Variants in TRAPPC6A observed in about 807,000 individuals in gnomAD.
The protein encoded by TRAPPC6A is TRAPP complex subunit 6A.
TRAPPC6A carries 25 observed loss-of-function variants against 20.8 expected under a neutral mutation model. The ratio of observed to expected loss-of-function variants is 1.20; its 90% CI spans 0.88 to 1.68. TRAPPC6A has a LOEUF of 1.68. Ranked by LOEUF, TRAPPC6A falls within the 40% of genes most tolerant of loss-of-function variation. TRAPPC6A has a pLI of 0.00. For missense variants in TRAPPC6A, 215 were observed against 211.6 expected (o/e 1.02, Z -0.10); for synonymous variants, 96 against 93.3 (o/e 1.03, Z -0.16).
intron 1 of TRAPPC6A, among the ~76,000 whole-genome samples, chr19:45,166,855 G>A (rs1312079491): frequency 1.3e-5 from 2 of 152,132 alleles, no homozygotes; most frequent in Admixed American, 6.5e-5. Flanking sequence ...CCATCCGAAT[G>A]GGGATGCGAA....
Position 45,163,312 on chromosome 19 carries a change from G to A in TRAPPC6A, c.449-89C>T, listed in dbSNP as rs1969052614. ...GCTCTTAGGCGCTCACCCCCGTCCT[G>A]CACTGACACCCCAGTGGCTAGGTTG... On this transcript the variant is annotated intron_variant, in intron 5 of 5. Coordinates refer to ENST00000585934, the MANE Select transcript of TRAPPC6A (RefSeq NM_001270891.2). This position sits in a 1 kb window ranked among gnomAD's most constrained non-coding sequence, Gnocchi z 5.3. 1 of 1,418,866 alleles carries A rather than the reference G, an allele frequency of 7.0e-7. No individual in the cohort carries two copies. The highest frequency in any genetic ancestry group is 9.8e-7 in the Non-Finnish European group (1 of 1,015,312). The allele number at this position is 1,418,866 out of a possible 1,614,324, so 87.9% of individuals were successfully genotyped here. A position where few individuals can be genotyped will look rare whatever the true frequency, so the allele number is the denominator to read the frequency against.
chr19:45,176,033 C>T (rs537604752), intron 1 of TRAPPC6A, among the ~76,000 whole-genome samples: 36 of 152,236 alleles, frequency 2.4e-4, no homozygotes, highest in African/African-American at 8.4e-4. Context: ...CACTCTATCA[C>T]CCAGGCTGGA....
intron 1 of TRAPPC6A, among the ~76,000 whole-genome samples, chr19:45,171,446 C>T (rs1322651704): frequency 6.6e-6 from 1 of 152,170 alleles, no homozygotes; most frequent in Non-Finnish European, 1.5e-5. Context: ...TGAGTTTACA[C>T]ACAGACCGGA....
rs555345777 is a variant in TRAPPC6A, at chr19:45,172,015, C to T, written c.84+6120G>A. Among the ~76,000 whole-genome samples the T allele has an allele frequency of 2.1e-4, 32 of 152,110 alleles. No homozygotes were observed. The highest frequency in any genetic ancestry group is 1.4e-4 in the African/African-American group (6 of 41,474). ...CAAAGCCTCTGAGGTAGAAAAGCCA[C>T]GGCTGCTTCCTCCAAGGGCTTCTCC... On this transcript the variant is annotated intron_variant, in intron 1 of 5. Transcript: ENST00000585934. The surrounding 1 kb of genome is among the most constrained non-coding windows in gnomAD (Gnocchi z 4.2).
rs577379866 is a variant in TRAPPC6A, at chr19:45,172,719, C to T, written c.84+5416G>A. On this transcript the variant is annotated intron_variant, in intron 1 of 5. Coordinates refer to ENST00000585934, the MANE Select transcript of TRAPPC6A (RefSeq NM_001270891.2). The surrounding 1 kb of genome is among the most constrained non-coding windows in gnomAD (Gnocchi z 4.2). ...CTCCCCATCCTGTCCCCTGGCCCAGCCCGGAAGGTTGAGCCCACCACAGCC... is the reference window on the plus strand; with the variant it reads ...CTCCCCATCCTGTCCCCTGGCCCAGTCCGGAAGGTTGAGCCCACCACAGCC... Among the ~76,000 whole-genome samples, 1 of 151,888 alleles carries T rather than the reference C, an allele frequency of 6.6e-6. No individual in the cohort carries two copies. The highest frequency in any genetic ancestry group is 1.9e-4 in the East Asian group (1 of 5,186).
At chr19:45,170,392 C>G (rs966948106) in intron 1 of TRAPPC6A, among the ~76,000 whole-genome samples, 4 of 152,160 alleles carry the variant, frequency 2.6e-5, no homozygotes, top group Admixed American at 6.5e-5. Context: ...CTAGGAAGCA[C>G]CCCGACTGTG....
Position 45,163,127 on chromosome 19 carries a change from C to T in TRAPPC6A, c.*65G>A, listed in dbSNP as rs115085749. 1.5e-3 allele frequency: 2,454 copies of T among 1,598,454 alleles called. 25 individuals are homozygous for T. In the African/African-American group the frequency reaches 0.029, roughly 19 times the overall value. ...CAAGACCACCCCGAAATGCAGCGGCCCCACCGTCTCCTGAGGCCGGTGAGG... is the reference window on the plus strand; with the variant it reads ...CAAGACCACCCCGAAATGCAGCGGCTCCACCGTCTCCTGAGGCCGGTGAGG... On this transcript the variant is annotated 3_prime_UTR_variant, in exon 6 of 6. Transcript: ENST00000585934. The surrounding 1 kb of genome is among the most constrained non-coding windows in gnomAD (Gnocchi z 5.3).
At chr19:45,164,137 T>G in intron 4 of TRAPPC6A, 27 bp downstream of exon 4, 1 of 1,578,866 alleles carries the variant, frequency 6.3e-7, no homozygotes, top group Non-Finnish European at 8.6e-7. Flanking sequence ...AAGGGAGGTG[T>G]GGACAAGGCC....
chr19:45,164,204 G>T lies in TRAPPC6A; in HGVS notation c.314C>A (p.Pro105Gln). 6.2e-7 allele frequency: 1 copy of T among 1,610,138 alleles called. No individual in the cohort carries two copies. The change falls in exon 4 of 6, where the codon CCG becomes CAG. Residue 105 changes from proline (P) to glutamine (Q), a missense_variant. By Grantham distance (76) the Pro-to-Gln change is moderately conservative. Transcript: ENST00000585934. ...LQDNSFPLLL[P>Q]MASGLQYLEE... Reference sequence around the variant, plus strand: ...CAGATACTGCAGGCCAGAGGCCATCGGGAGGAGGAGGGGGAAGCTGTTGTC... The same window carrying T: ...CAGATACTGCAGGCCAGAGGCCATCTGGAGGAGGAGGGGGAAGCTGTTGTC...
In TRAPPC6A at chr19:45,163,070, G is replaced by A; in HGVS notation, c.*122C>T. 1 of 1,181,798 alleles carries A rather than the reference G, an allele frequency of 8.5e-7. No homozygotes were observed. The highest frequency in any genetic ancestry group is 1.2e-6 in the Non-Finnish European group (1 of 828,320). The allele number at this position is 1,181,798 out of a possible 1,614,324, so 73.2% of individuals were successfully genotyped here. A position where few individuals can be genotyped will look rare whatever the true frequency, so the allele number is the denominator to read the frequency against. The stretch of plus-strand genomic sequence containing the variant: ...CACCTCAATTTGATACCCACTTCCT[G>A]AGCAAATGTGACCCCTAGGGCCTGG... On this transcript the variant is annotated 3_prime_UTR_variant, in exon 6 of 6. Transcript: ENST00000585934. This position sits in a 1 kb window ranked among gnomAD's most constrained non-coding sequence, Gnocchi z 5.3.
At chr19:45,177,364 C>T (rs997709121) in intron 1 of TRAPPC6A, among the ~76,000 whole-genome samples, 2 of 151,606 alleles carry the variant, frequency 1.3e-5, no homozygotes, top group Non-Finnish European at 2.9e-5. Flanking sequence ...TTTCCTGAGA[C>T]AAGTCTCGCT....
intron 1 of TRAPPC6A, among the ~76,000 whole-genome samples, chr19:45,168,892 CG>C (rs1004566722): frequency 1.6e-4 from 25 of 152,158 alleles, no homozygotes; most frequent in Middle Eastern, 3.4e-3. Context: ...CTGGGAATGG[CG>C]GGGGGGCCTG....
Position 45,173,784 on chromosome 19 carries a change from G to A in TRAPPC6A, c.84+4351C>T, listed in dbSNP as rs1002836551. Among the ~76,000 whole-genome samples the A allele has an allele frequency of 6.6e-6, 1 of 152,196 alleles. No homozygotes were observed. Among genetic ancestry groups the A allele is most frequent in the Non-Finnish European group, 1.5e-5 (1 of 68,028 alleles). The stretch of plus-strand genomic sequence containing the variant: ...CCCTGAAAAACGGGGCTCCCCAGGA[G>A]GAAGGAGTGAGGGGAAACGATGCAG... On this transcript the variant is annotated intron_variant, in intron 1 of 5. Transcript: ENST00000585934. This position sits in a 1 kb window ranked among gnomAD's most constrained non-coding sequence, Gnocchi z 4.8.
intron 3 of TRAPPC6A, 149 bp from the exon 4 acceptor site, chr19:45,164,396 T>C: frequency 1.6e-6 from 1 of 628,312 alleles, no homozygotes; most frequent in Non-Finnish European, 2.8e-6. Flanking sequence ...TGGCCTCCAG[T>C]GCTCTGGTAG....
rs552420023 is a variant in TRAPPC6A, at chr19:45,175,153, C to T, written c.84+2982G>A. ...GCAGTCACCTGTAGTCCCAGCTACT[C>T]GGGAGGCTGAGGCAGAAGAATGGCG... On this transcript the variant is annotated intron_variant, in intron 1 of 5. Transcript: ENST00000585934. 2.2e-4 allele frequency among the ~76,000 whole-genome samples: 34 copies of T among 151,584 alleles called. 1 individual carries two copies. The South Asian group carries it at 7.1e-3, about 32-fold the overall frequency.
chr19:45,164,751 C>T (rs959855420), intron 3 of TRAPPC6A, 102 bp downstream of exon 3: 23 of 1,066,316 alleles, frequency 2.2e-5, no homozygotes, highest in East Asian at 2.1e-4. Context: ...AAGCTCTGGG[C>T]GGGTCCCGGC....
chr19:45,177,978 G>C, intron 1 of TRAPPC6A, 157 bp downstream of exon 1: 1 of 1,389,716 alleles, frequency 7.2e-7, no homozygotes, highest in Non-Finnish European at 9.6e-7. Context: ...GCACCGTCGC[G>C]AACGCCACTT....
chr19:45,170,074 C>T (rs373079116), intron 1 of TRAPPC6A, among the ~76,000 whole-genome samples: 13 of 152,082 alleles, frequency 8.5e-5, no homozygotes, highest in African/African-American at 1.9e-4. Flanking sequence ...AGGAGGGGGC[C>T]GGAGGTGGCA....
At position 45,164,014 on chromosome 19, in the gene TRAPPC6A, G is replaced by A. The variant is rs1482026901; in HGVS notation, c.355-5C>T. 6.4e-7 allele frequency: 1 copy of A among 1,569,126 alleles called. No individual in the cohort carries two copies. Among genetic ancestry groups the A allele is most frequent in the East Asian group, 2.3e-5 (1 of 43,104 alleles). The stretch of plus-strand genomic sequence containing the variant: ...GCCGCAGGTGAAGGCCAGGAACTGA[G>A]GAGGGAACACAGACCAGCATGGGAA... On this transcript the variant is annotated splice_polypyrimidine_tract_variant and splice_region_variant and intron_variant, in intron 4 of 5. Coordinates refer to ENST00000585934, the MANE Select transcript of TRAPPC6A (RefSeq NM_001270891.2).
Sources: gnomAD v4.1 joint callset for allele counts (sites outside exome capture counted in the v4.1 genomes callset) on GRCh38, gnomAD v4.1.1 for gene constraint, Gnocchi (gnomAD v3.1) non-coding constraint, MANE v1.5 for transcripts, NCBI Gene and HGNC (gene_info 2026-07-23, HGNC 2026-07-21) for gene names.